The following EDIL3 variants were observed in gnomAD, a reference collection of about 807,000 sequenced individuals.
EDIL3 encodes EGF like and discoidin domains 3.
A neutral mutation model predicts 67.4 loss-of-function variants in EDIL3; 37 were observed. The observed-to-expected ratio is 0.55, with a 90% CI of 0.42 to 0.72. The LOEUF is 0.72. EDIL3 is among the 30% of genes least tolerant of loss of function. The pLI is 0.00. For synonymous variants in EDIL3, 195 were observed against 196.3 expected (o/e 0.99, Z 0.05); for missense variants, 527 against 586.3 (o/e 0.90, Z 1.04).
At chr5:84,093,416 A>C (rs1456085592) in intron 6 of EDIL3, among the ~76,000 whole-genome samples, 2 of 152,134 alleles carry the variant, frequency 1.3e-5, no homozygotes, top group African/African-American at 4.8e-5. Context: ...AAAGGATTGT[A>C]GTCACTTCTA....
intron 1 of EDIL3, among the ~76,000 whole-genome samples, chr5:84,379,908 T>C (rs1748040518): frequency 6.6e-6 from 1 of 152,084 alleles, no homozygotes; most frequent in Admixed American, 6.5e-5. Context: ...TTTTTTCCTT[T>C]AAAAGATCTT....
intron 5 of EDIL3, among the ~76,000 whole-genome samples, chr5:84,129,723 T>G (rs1296987092): frequency 6.6e-6 from 1 of 152,158 alleles, no homozygotes; most frequent in Non-Finnish European, 1.5e-5. Flanking sequence ...TTGTTTCTCT[T>G]TGATTTCTTG....
intron 9 of EDIL3, among the ~76,000 whole-genome samples, chr5:84,054,329 AT>A (rs1561416472): frequency 6.6e-6 from 1 of 152,238 alleles, no homozygotes; most frequent in Non-Finnish European, 1.5e-5. Context: ...AGAGCTATTT[AT>A]GACAAACTCA....
intron 3 of EDIL3, among the ~76,000 whole-genome samples, chr5:84,211,637 G>C (rs369602667): frequency 8.5e-5 from 13 of 152,248 alleles, no homozygotes; most frequent in East Asian, 7.7e-4. Flanking sequence ...TTGCAGTGAA[G>C]TGGTCACAAG....
intron 3 of EDIL3, among the ~76,000 whole-genome samples, chr5:84,182,157 T>C (rs926211672): frequency 1.3e-5 from 2 of 151,682 alleles, no homozygotes; most frequent in African/African-American, 4.8e-5. Context: ...CTGAACGAGG[T>C]GGTGCACGCC....
chr5:84,002,681 A>G (rs1745351616), intron 9 of EDIL3, among the ~76,000 whole-genome samples: 1 of 152,252 alleles, frequency 6.6e-6, no homozygotes, highest in Non-Finnish European at 1.5e-5. Context: ...AATCACATTT[A>G]TGATAGCTAC....
intron 3 of EDIL3, chr5:84,181,372 C>G (rs1749010274): frequency 1.3e-5 from 2 of 152,328 alleles, no homozygotes; most frequent in South Asian, 4.1e-4. Context: ...CAGCCAAAAA[C>G]TAAATACCAA....
chr5:84,009,064 A>G (rs888231587), intron 9 of EDIL3, among the ~76,000 whole-genome samples: 1 of 152,172 alleles, frequency 6.6e-6, no homozygotes, highest in African/African-American at 2.4e-5. Context: ...TGCCTGCCTC[A>G]GCCTCCCAAA....
At chr5:84,096,152 G>T (rs991406230) in intron 6 of EDIL3, among the ~76,000 whole-genome samples, 9 of 152,178 alleles carry the variant, frequency 5.9e-5, no homozygotes, top group African/African-American at 1.7e-4. Flanking sequence ...GGAAACGGGG[G>T]GTAAGAGCCC....
intron 9 of EDIL3, among the ~76,000 whole-genome samples, chr5:84,032,304 T>C (rs1440601252): frequency 6.6e-6 from 1 of 152,178 alleles, no homozygotes; most frequent in Non-Finnish European, 1.5e-5. Context: ...AACCACATAC[T>C]AAGTTTAATG....
At chr5:84,110,282 A>G (rs971512863) in intron 5 of EDIL3, among the ~76,000 whole-genome samples, 1 of 152,174 alleles carries the variant, frequency 6.6e-6, no homozygotes, top group Non-Finnish European at 1.5e-5. Flanking sequence ...AATCAAATGG[A>G]TGTCATCACA....
intron 1 of EDIL3, among the ~76,000 whole-genome samples, chr5:84,356,645 A>G (rs1451300150): frequency 1.3e-5 from 2 of 152,154 alleles, no homozygotes; most frequent in Non-Finnish European, 2.9e-5. Context: ...GCGTAATCAT[A>G]TCTACACAGT....
At chr5:84,079,510 G>T (rs1257641720) in intron 6 of EDIL3, among the ~76,000 whole-genome samples, 1 of 152,036 alleles carries the variant, frequency 6.6e-6, no homozygotes, top group Non-Finnish European at 1.5e-5. Context: ...TCACCGTTTT[G>T]TGACCAGAAG....
At chr5:83,953,317 A>C (rs1744452043) in intron 10 of EDIL3, among the ~76,000 whole-genome samples, 1 of 151,788 alleles carries the variant, frequency 6.6e-6, no homozygotes, top group South Asian at 2.1e-4. Context: ...GCTAGACCTA[A>C]GCTGAGCAGT....
chr5:84,120,852 A>G (rs1747762946), intron 5 of EDIL3, among the ~76,000 whole-genome samples: 1 of 152,002 alleles, frequency 6.6e-6, no homozygotes, highest in South Asian at 2.1e-4. Flanking sequence ...TTGGGGTTAG[A>G]AATACTAAGC....
chr5:84,188,973 C>T (rs778716792), intron 3 of EDIL3, among the ~76,000 whole-genome samples: 1 of 151,984 alleles, frequency 6.6e-6, no homozygotes, highest in South Asian at 2.1e-4. Flanking sequence ...TCCTGGTATA[C>T]CTGAATTGGG....
At chr5:84,312,720 C>T (rs1746433591) in intron 1 of EDIL3, among the ~76,000 whole-genome samples, 1 of 152,222 alleles carries the variant, frequency 6.6e-6, no homozygotes, top group African/African-American at 2.4e-5. Context: ...GACGGGGCGG[C>T]TATTCAATGT....
At chr5:84,142,789 A>G (rs935471474) in intron 4 of EDIL3, among the ~76,000 whole-genome samples, 11 of 151,124 alleles carry the variant, frequency 7.3e-5, no homozygotes, top group African/African-American at 2.7e-4. Context: ...ACTTTTTTGG[A>G]TATATTAAAA....
At chr5:84,020,091 A>AAAAC (rs397998462) in intron 9 of EDIL3, among the ~76,000 whole-genome samples, 1 of 147,864 alleles carries the variant, frequency 6.8e-6, no homozygotes, top group East Asian at 2.0e-4. Flanking sequence ...AAAAAAAAAA[A>AAAAC]CGCAACAAAC....
Sources: gnomAD v4.1 joint callset for allele counts (sites outside exome capture counted in the v4.1 genomes callset) on GRCh38, gnomAD v4.1.1 for gene constraint, MANE v1.5 for transcripts, NCBI Gene and HGNC (gene_info 2026-07-23, HGNC 2026-07-21) for gene names.